CSMD1: variants seen among roughly 807,000 people sequenced by gnomAD.
CSMD1 encodes the protein CUB and Sushi multiple domains 1, also known as CUB and sushi domain-containing protein 1.
In CSMD1, 213 loss-of-function variants were observed where a neutral mutation model predicts 417.5. The ratio of observed to expected loss-of-function variants is 0.51; its 90% CI spans 0.46 to 0.57. The LOEUF is 0.57. Ranked by LOEUF, CSMD1 falls within the 20% of genes least tolerant of loss-of-function variation. CSMD1 has a pLI of 0.00. For missense variants in CSMD1, 6,923 were observed against 4,529.7 expected, an observed-to-expected ratio of 1.53 and a Z score of -15.17; for synonymous variants, 2,862 against 1,736.8, an observed-to-expected ratio of 1.65 and a Z score of -16.11.
chr8:4,594,193 A>ACCTTTTTTT lies in CSMD1; in HGVS notation c.302+43148_302+43149insAAAAAAAGG, dbSNP rs1563318194. On this transcript the variant is annotated intron_variant, in intron 2 of 69. Transcript: ENST00000635120. Reference sequence around the variant, plus strand: ...TTTTAACTTGATTAATTCTAAAGTGATCTTTTTTTTTTTTTTTTTTTTTTC... The same window carrying ACCTTTTTTT: ...TTTTAACTTGATTAATTCTAAAGTGACCTTTTTTTTCTTTTTTTTTTTTTTTTTTTTTTC... 3.4e-5 allele frequency among the ~76,000 whole-genome samples: 3 copies of ACCTTTTTTT among 88,110 alleles called. 1 individual carries two copies. The highest frequency in any genetic ancestry group is 7.3e-5 in the Non-Finnish European group (3 of 40,904). The allele number at this position is 88,110 out of a possible 152,430, so 57.8% of individuals were successfully genotyped here. A position where few individuals can be genotyped will look rare whatever the true frequency, so the allele number is the denominator to read the frequency against.
intron 1 of CSMD1, among the ~76,000 whole-genome samples, chr8:4,655,425 G>C (rs897987904): frequency 5.9e-5 from 9 of 151,974 alleles, no homozygotes; most frequent in African/African-American, 2.2e-4. Flanking sequence ...ACAATTTTAG[G>C]TATAAAATGG....
At chr8:4,381,145 A>G (rs757338726) in intron 3 of CSMD1, among the ~76,000 whole-genome samples, 1 of 152,192 alleles carries the variant, frequency 6.6e-6, no homozygotes, top group African/African-American at 2.4e-5. Context: ...CTTCAGAACT[A>G]AAGAAGTCAA....
intron 3 of CSMD1, among the ~76,000 whole-genome samples, chr8:4,402,943 C>T (rs916995339): frequency 2.0e-5 from 3 of 151,228 alleles, no homozygotes; most frequent in African/African-American, 7.3e-5. Context: ...TCTTAGCCTC[C>T]TGAGTAGCTG....
At chr8:4,656,372 T>C in intron 1 of CSMD1, among the ~76,000 whole-genome samples, 1 of 152,044 alleles carries the variant, frequency 6.6e-6, no homozygotes. Flanking sequence ...GTTGCCATGA[T>C]ATTCAGATTT....
intron 2 of CSMD1, among the ~76,000 whole-genome samples, chr8:4,590,968 T>C (rs1041487716): frequency 6.6e-6 from 1 of 152,246 alleles, no homozygotes; most frequent in Non-Finnish European, 1.5e-5. Context: ...ACCTGGTTGC[T>C]GTCTTATTTT....
intron 1 of CSMD1, among the ~76,000 whole-genome samples, chr8:4,783,244 C>A (rs1217342832): frequency 6.6e-6 from 1 of 152,152 alleles, no homozygotes; most frequent in Non-Finnish European, 1.5e-5. Context: ...TCATGATGTC[C>A]ACTGTCAGAA....
intron 3 of CSMD1, among the ~76,000 whole-genome samples, chr8:4,389,779 C>T (rs1803719690): frequency 6.6e-6 from 1 of 151,998 alleles, no homozygotes; most frequent in Non-Finnish European, 1.5e-5. Context: ...TTTTTGAAAC[C>T]TATTAAAAAT....
chr8:3,244,905 A>C (rs1799780854), intron 26 of CSMD1, among the ~76,000 whole-genome samples: 1 of 152,170 alleles, frequency 6.6e-6, no homozygotes, highest in Non-Finnish European at 1.5e-5. Flanking sequence ...CTCCACCCCA[A>C]GGGCGCTGAG....
chr8:4,629,085 A>AGACAT (rs1802344827), intron 2 of CSMD1, among the ~76,000 whole-genome samples: 1 of 152,190 alleles, frequency 6.6e-6, no homozygotes, highest in Non-Finnish European at 1.5e-5. Context: ...ACATTTATAT[A>AGACAT]CTTAGACATG....
chr8:3,284,509 G>T (rs1474004833), intron 25 of CSMD1, 163 bp from the exon 26 acceptor site: 5 of 624,710 alleles, frequency 8.0e-6, no homozygotes, highest in African/African-American at 3.7e-5. Flanking sequence ...GAGGCTCACC[G>T]AAGATAATTC....
intron 26 of CSMD1, among the ~76,000 whole-genome samples, chr8:3,231,046 C>A (rs1036419306): frequency 6.6e-6 from 1 of 152,138 alleles, no homozygotes; most frequent in Admixed American, 6.6e-5. Flanking sequence ...CAGCCATCGA[C>A]TCTGCCTGCG....
At chr8:4,881,540 T>G (rs1233398766) in intron 1 of CSMD1, among the ~76,000 whole-genome samples, 2 of 151,538 alleles carry the variant, frequency 1.3e-5, no homozygotes, top group South Asian at 4.1e-4. Context: ...TTAGTTTTTT[T>G]TTTTTTTTTT....
intron 1 of CSMD1, among the ~76,000 whole-genome samples, chr8:4,862,285 A>G (rs892886963): frequency 6.6e-6 from 1 of 152,094 alleles, no homozygotes; most frequent in African/African-American, 2.4e-5. Context: ...CCTGTAAGTG[A>G]GAGTATCAAT....
At chr8:4,522,506 T>C (rs1043993090) in intron 2 of CSMD1, among the ~76,000 whole-genome samples, 7 of 152,204 alleles carry the variant, frequency 4.6e-5, no homozygotes, top group Admixed American at 4.6e-4. Context: ...TAATTAAGAA[T>C]ATCTGAGGTA....
chr8:4,020,705 C>T lies in CSMD1; in HGVS notation c.610+11200G>A, dbSNP rs923769547. On this transcript the variant is annotated intron_variant, in intron 4 of 69. Transcript: ENST00000635120. ...TTTCATTTTACTCCCTCAGCGAATC[C>T]GCGTGTTCCTCAAAGTCTTCTGTAA... 2.5e-4 allele frequency among the ~76,000 whole-genome samples: 38 copies of T among 152,326 alleles called. 1 individual carries two copies. Among genetic ancestry groups the T allele is most frequent in the African/African-American group, 4.1e-4 (17 of 41,570 alleles).
At chr8:3,957,191 C>T (rs1319902680) in intron 5 of CSMD1, among the ~76,000 whole-genome samples, 1 of 152,178 alleles carries the variant, frequency 6.6e-6, no homozygotes, top group Non-Finnish European at 1.5e-5. Context: ...AACTGCAGAA[C>T]TAAAACATTT....
chr8:4,116,626 G>A (rs1208194209), intron 3 of CSMD1, among the ~76,000 whole-genome samples: 3 of 145,188 alleles, frequency 2.1e-5, no homozygotes, highest in African/African-American at 5.1e-5. Context: ...GAACAAACGC[G>A]CCATGAATGA....
At chr8:3,490,222 T>C (rs1008341569) in intron 11 of CSMD1, among the ~76,000 whole-genome samples, 3 of 152,234 alleles carry the variant, frequency 2.0e-5, no homozygotes, top group Non-Finnish European at 4.4e-5. Flanking sequence ...CTGCATTATG[T>C]TTCCCAAAGG....
intron 1 of CSMD1, among the ~76,000 whole-genome samples, chr8:4,641,028 T>C (rs1803158598): frequency 1.3e-5 from 2 of 151,682 alleles, no homozygotes; most frequent in South Asian, 4.2e-4. Context: ...TTGATTTCAA[T>C]TTCAATTTCG....
Sources: allele counts gnomAD v4.1 joint callset (sites outside exome capture counted in the v4.1 genomes callset), GRCh38; gene constraint gnomAD v4.1.1; transcripts MANE v1.5; gene names NCBI Gene and HGNC (gene_info 2026-07-23, HGNC 2026-07-21).